TMEM116: variants seen among roughly 807,000 people sequenced by gnomAD.
TMEM116 encodes the protein transmembrane protein 116.
TMEM116 carries 38 observed loss-of-function variants against 44.3 expected under a neutral mutation model. That is an observed-to-expected ratio of 0.86 (90% CI 0.66 to 1.12). The LOEUF (loss-of-function observed/expected upper bound fraction) is 1.12. Among genes scored for constraint, TMEM116 ranks in the 50% most tolerant of loss-of-function variants. TMEM116 has a pLI of 0.00. For synonymous variants in TMEM116, 132 were observed against 144.8 expected, an observed-to-expected ratio of 0.91 and a Z score of 0.64; for missense variants, 354 against 401.7, an observed-to-expected ratio of 0.88 and a Z score of 1.01.
chr12:111,985,952 A>C (rs965147550), intron 4 of TMEM116, among the ~76,000 whole-genome samples: 1 of 152,102 alleles, frequency 6.6e-6, no homozygotes, highest in Non-Finnish European at 1.5e-5. Flanking sequence ...CTACAGATTC[A>C]ATGCAATCCC....
intron 3 of TMEM116, chr12:111,993,275 C>A (rs763243556): frequency 1.1e-5 from 5 of 455,358 alleles, no homozygotes; most frequent in South Asian, 7.3e-5. Flanking sequence ...TGCAGGTGGA[C>A]CCCCAAAAGT....
intron 4 of TMEM116, chr12:111,965,749 C>A: frequency 5.1e-6 from 2 of 388,722 alleles, no homozygotes; most frequent in South Asian, 1.8e-5. Flanking sequence ...CATGGCGAAA[C>A]CCCGTCTCCC....
At chr12:112,009,736 C>T (rs1254619410) in intron 1 of TMEM116, among the ~76,000 whole-genome samples, 1 of 151,112 alleles carries the variant, frequency 6.6e-6, no homozygotes, top group Non-Finnish European at 1.5e-5. Context: ...ATCCCAGCTA[C>T]TCAGGAGGCT....
At chr12:111,989,434 G>A (rs949798336) in intron 4 of TMEM116, among the ~76,000 whole-genome samples, 4 of 152,232 alleles carry the variant, frequency 2.6e-5, no homozygotes, top group Non-Finnish European at 4.4e-5. Flanking sequence ...TGTCTACTAT[G>A]CGTGTGCATG....
At chr12:111,942,928 G>A (rs181793145) in intron 5 of TMEM116, among the ~76,000 whole-genome samples, 63 of 151,808 alleles carry the variant, frequency 4.1e-4, no homozygotes, top group Admixed American at 2.0e-3. Flanking sequence ...TGCTTACACC[G>A]TTTATCAGGG....
intron 3 of TMEM116, among the ~76,000 whole-genome samples, chr12:112,001,317 T>C (rs1043704670): frequency 6.6e-6 from 1 of 152,018 alleles, no homozygotes; most frequent in African/African-American, 2.4e-5. Flanking sequence ...CATTCAGCAA[T>C]TTTTTTATTT....
intron 9 of TMEM116, 107 bp from the exon 10 acceptor site, chr12:111,932,766 T>A: frequency 1.2e-6 from 1 of 865,350 alleles, no homozygotes; most frequent in Non-Finnish European, 1.9e-6. Context: ...ATAGGCATAA[T>A]AAAATCCATC....
intron 3 of TMEM116, among the ~76,000 whole-genome samples, chr12:111,999,691 C>T (rs990130671): frequency 3.3e-5 from 5 of 151,998 alleles, no homozygotes; most frequent in Admixed American, 1.3e-4. Context: ...TTGTTTCAAA[C>T]TTTCTGTTTA....
chr12:111,936,945 A>G, intron 7 of TMEM116, 115 bp from the exon 8 acceptor site: 1 of 1,203,870 alleles, frequency 8.3e-7, no homozygotes, highest in East Asian at 2.4e-5. Flanking sequence ...TTGCTCATAA[A>G]ACCTTGTCTC....
At chr12:111,958,277 T>TAAAAAA (rs61637468) in intron 4 of TMEM116, among the ~76,000 whole-genome samples, 4 of 27,518 alleles carry the variant, frequency 1.5e-4, no homozygotes, top group African/African-American at 2.7e-4. Flanking sequence ...CAATAAATAC[T>TAAAAAA]AAAAAAAAAA....
intron 4 of TMEM116, among the ~76,000 whole-genome samples, chr12:111,954,737 C>G (rs1324554063): frequency 6.6e-6 from 1 of 152,198 alleles, no homozygotes; most frequent in Non-Finnish European, 1.5e-5. Context: ...CTGACTAGCA[C>G]ATTCTTCCAG....
chr12:111,934,278 C>G, intron 8 of TMEM116: 1 of 408,380 alleles, frequency 2.4e-6, no homozygotes, highest in Admixed American at 3.9e-5. Context: ...AACACATGAA[C>G]CTTACATCAA....
chr12:111,933,027 G>GGTCAGGAGGTTGAGACCAGC (rs1431156670), intron 9 of TMEM116, among the ~76,000 whole-genome samples: 1 of 152,156 alleles, frequency 6.6e-6, no homozygotes, highest in African/African-American at 2.4e-5. Flanking sequence ...GATCACCTGA[G>GGTCAGGAGGTTGAGACCAGC]GTCAGGAGGT....
Position 111,992,744 on chromosome 12 carries a change from C to T in TMEM116, c.79-855G>A, listed in dbSNP as rs74794403. On this transcript the variant is annotated intron_variant, in intron 3 of 10. Coordinates refer to ENST00000552374, the MANE Select transcript of TMEM116 (RefSeq NM_001193531.2). ...CTGACCACACTGGTGAAATTTGTCT[C>T]TTCTTATTCTTCTCCTTTTGGCATC... 8.2e-3 allele frequency among the ~76,000 whole-genome samples: 1,248 copies of T among 152,280 alleles called. 16 individuals carry two copies. Among genetic ancestry groups the T allele is most frequent in the African/African-American group, 0.029 (1,198 of 41,548 alleles).
chr12:111,939,595 C>T (rs2072496561), intron 5 of TMEM116, among the ~76,000 whole-genome samples: 1 of 150,488 alleles, frequency 6.6e-6, no homozygotes, highest in Admixed American at 6.7e-5. Context: ...CCCAGGAGTT[C>T]GAGACTAGCC....
chr12:112,003,132 T>G (rs1035549318), intron 3 of TMEM116, among the ~76,000 whole-genome samples: 6 of 152,220 alleles, frequency 3.9e-5, no homozygotes, highest in Admixed American at 2.0e-4. Context: ...CTAGTCCCAG[T>G]AGCAATTTTA....
intron 5 of TMEM116, among the ~76,000 whole-genome samples, chr12:111,941,863 G>C (rs894216910): frequency 7.2e-5 from 11 of 152,164 alleles, no homozygotes. Context: ...CAGATGAAGA[G>C]TTCATAGAAT....
intron 10 of TMEM116, 124 bp downstream of exon 10, chr12:111,932,462 C>T (rs958236239): frequency 5.0e-5 from 38 of 766,138 alleles, no homozygotes; most frequent in Non-Finnish European, 8.7e-6. Flanking sequence ...GTAAATAATA[C>T]ATTTTCTCTT....
chr12:111,931,899 C>A, intron 10 of TMEM116, 72 bp from the exon 11 acceptor site: 1 of 1,017,816 alleles, frequency 9.8e-7, no homozygotes, highest in African/African-American at 1.7e-5. Context: ...TTCTCACTCC[C>A]CTTATTCATA....
Sources: gnomAD v4.1 joint callset for allele counts (sites outside exome capture counted in the v4.1 genomes callset) on GRCh38, gnomAD v4.1.1 for gene constraint, MANE v1.5 for transcripts, NCBI Gene and HGNC (gene_info 2026-07-23, HGNC 2026-07-21) for gene names.